The following AUTS2 variants were observed in gnomAD, a reference collection of about 807,000 sequenced individuals.
The protein encoded by AUTS2 is autism susceptibility gene 2 protein.
AUTS2 carries 17 observed loss-of-function variants against 112.4 expected under a neutral mutation model. That is an observed-to-expected ratio of 0.15 (90% CI 0.10 to 0.23). The LOEUF (loss-of-function observed/expected upper bound fraction) is 0.23, where lower values mean the gene tolerates loss of function less well. Ranked by LOEUF, AUTS2 falls within the 10% of genes least tolerant of loss-of-function variation. The pLI is 1.00. For missense variants in AUTS2, 1,510 were observed against 1,701.6 expected (o/e 0.89, Z 1.98); for synonymous variants, 751 against 702.7 (o/e 1.07, Z -1.09).
intron 4 of AUTS2, among the ~76,000 whole-genome samples, chr7:70,247,713 T>C (rs1484229889): frequency 6.6e-6 from 1 of 152,192 alleles, no homozygotes; most frequent in Non-Finnish European, 1.5e-5. Flanking sequence ...TTTTGTTTCA[T>C]CTTTTCCAAT....
At chr7:70,468,510 A>C (rs561830815) in intron 5 of AUTS2, among the ~76,000 whole-genome samples, 56 of 152,298 alleles carry the variant, frequency 3.7e-4, no homozygotes, top group African/African-American at 1.3e-3. Context: ...TTACCTCCCC[A>C]CATGCTGAGA....
chr7:70,653,540 C>G (rs899351726), intron 5 of AUTS2, among the ~76,000 whole-genome samples: 2 of 152,194 alleles, frequency 1.3e-5, no homozygotes, highest in African/African-American at 2.4e-5. Flanking sequence ...TTTGATACTG[C>G]TTTCTCACTT....
intron 5 of AUTS2, among the ~76,000 whole-genome samples, chr7:70,535,440 A>C (rs1297671818): frequency 6.6e-6 from 1 of 152,034 alleles, no homozygotes; most frequent in Non-Finnish European, 1.5e-5. Context: ...TTTGAGACGG[A>C]GTCTCACTCT....
intron 1 of AUTS2, among the ~76,000 whole-genome samples, chr7:69,824,141 C>T (rs1562908098): frequency 6.6e-6 from 1 of 151,832 alleles, no homozygotes; most frequent in Non-Finnish European, 1.5e-5. Context: ...CGGCTGGGCA[C>T]GGTGGCTCAC....
intron 2 of AUTS2, among the ~76,000 whole-genome samples, chr7:70,109,187 G>A (rs1235317631): frequency 6.6e-6 from 1 of 152,142 alleles, no homozygotes; most frequent in African/African-American, 2.4e-5. Flanking sequence ...ATCATAAAAA[G>A]TAAGTTTTGT....
At chr7:70,641,704 C>T (rs1265872466) in intron 5 of AUTS2, among the ~76,000 whole-genome samples, 1 of 152,202 alleles carries the variant, frequency 6.6e-6, no homozygotes, top group African/African-American at 2.4e-5. Flanking sequence ...TCCTGGCCTG[C>T]TCCCCAATTC....
chr7:69,993,674 C>T (rs944488714), intron 2 of AUTS2, among the ~76,000 whole-genome samples: 20 of 151,970 alleles, frequency 1.3e-4, no homozygotes, highest in African/African-American at 4.6e-4. Flanking sequence ...GTACAGTCTA[C>T]AGTGAGCCGT....
At chr7:70,259,885 T>C (rs1411819705) in intron 4 of AUTS2, among the ~76,000 whole-genome samples, 1 of 152,138 alleles carries the variant, frequency 6.6e-6, no homozygotes, top group Non-Finnish European at 1.5e-5. Context: ...ATAAATATAT[T>C]TTAAGTGTGG....
At chr7:69,725,370 G>T (rs1232296700) in intron 1 of AUTS2, among the ~76,000 whole-genome samples, 1 of 152,080 alleles carries the variant, frequency 6.6e-6, no homozygotes, top group Non-Finnish European at 1.5e-5. Flanking sequence ...TTTCTAGCAG[G>T]TTGCCTACCA....
chr7:69,892,919 A>C (rs1794589776), intron 1 of AUTS2, among the ~76,000 whole-genome samples: 2 of 152,162 alleles, frequency 1.3e-5, no homozygotes, highest in South Asian at 4.1e-4. Flanking sequence ...TTTCTGGACT[A>C]TTCTGTTCCT....
At chr7:69,615,756 T>C (rs915876143) in intron 1 of AUTS2, among the ~76,000 whole-genome samples, 2 of 152,352 alleles carry the variant, frequency 1.3e-5, no homozygotes, top group Admixed American at 6.5e-5. Context: ...ACAGCCCATA[T>C]GGCCATTGTA....
At chr7:70,188,309 A>G (rs1421803508) in intron 4 of AUTS2, among the ~76,000 whole-genome samples, 9 of 152,180 alleles carry the variant, frequency 5.9e-5, no homozygotes, top group Non-Finnish European at 8.8e-5. Context: ...GTTCTTCTAC[A>G]GGGGCGGATC....
chr7:69,672,468 T>C (rs1017926327), intron 1 of AUTS2, among the ~76,000 whole-genome samples: 6 of 152,206 alleles, frequency 3.9e-5, no homozygotes, highest in Non-Finnish European at 8.8e-5. Flanking sequence ...CAGTTGCTTT[T>C]ATACCGTCAA....
chr7:70,362,145 A>T (rs12539134), intron 4 of AUTS2, among the ~76,000 whole-genome samples: 1 of 152,246 alleles, frequency 6.6e-6, no homozygotes, highest in Non-Finnish European at 1.5e-5. Context: ...TACTACTTCC[A>T]TCAGCAGGAA....
At chr7:69,947,850 G>C (rs887214697) in intron 2 of AUTS2, among the ~76,000 whole-genome samples, 1 of 152,116 alleles carries the variant, frequency 6.6e-6, no homozygotes, top group Non-Finnish European at 1.5e-5. Context: ...AGGTAGGTAC[G>C]GTTGTTATTC....
intron 4 of AUTS2, among the ~76,000 whole-genome samples, chr7:70,348,595 G>A (rs1410670856): frequency 6.6e-6 from 1 of 152,062 alleles, no homozygotes; most frequent in Non-Finnish European, 1.5e-5. Flanking sequence ...ACAAGGTCAG[G>A]AGATCGAGAC....
chr7:70,368,616 A>T (rs1044048690), intron 4 of AUTS2, among the ~76,000 whole-genome samples: 2 of 152,216 alleles, frequency 1.3e-5, no homozygotes, highest in Non-Finnish European at 2.9e-5. Flanking sequence ...TGCCCCTCAG[A>T]GACCCAGCCT....
At chr7:69,955,459 A>G (rs1482552179) in intron 2 of AUTS2, among the ~76,000 whole-genome samples, 1 of 152,150 alleles carries the variant, frequency 6.6e-6, no homozygotes, top group Non-Finnish European at 1.5e-5. Flanking sequence ...CACCAGCTTC[A>G]AGAGGCTGAG....
chr7:69,651,993 T>A (rs1013071322), intron 1 of AUTS2, among the ~76,000 whole-genome samples: 5 of 152,206 alleles, frequency 3.3e-5, no homozygotes, highest in African/African-American at 1.2e-4. Flanking sequence ...ACTGACAGAA[T>A]GCAGGGAGAC....
Sources: allele counts gnomAD v4.1 joint callset (sites outside exome capture counted in the v4.1 genomes callset), GRCh38; gene constraint gnomAD v4.1.1; transcripts MANE v1.5; gene names NCBI Gene and HGNC (gene_info 2026-07-23, HGNC 2026-07-21).